SDK1: variants seen among roughly 807,000 people sequenced by gnomAD.
SDK1 encodes the protein sidekick cell adhesion molecule 1, also known as protein sidekick-1.
In SDK1, 157 loss-of-function variants were observed where a neutral mutation model predicts 245.5. The ratio of observed to expected loss-of-function variants is 0.64; its 90% CI spans 0.56 to 0.73. SDK1 has a LOEUF of 0.73. SDK1 is among the 30% of genes least tolerant of loss of function. The pLI is 0.00. For missense variants in SDK1, 3,583 were observed against 3,002.3 expected, an observed-to-expected ratio of 1.19 and a Z score of -4.52; for synonymous variants, 1,647 against 1,278.5, an observed-to-expected ratio of 1.29 and a Z score of -6.15.
At chr7:3,736,104 A>G (rs1442943144) in intron 4 of SDK1, among the ~76,000 whole-genome samples, 4 of 152,168 alleles carry the variant, frequency 2.6e-5, no homozygotes, top group Admixed American at 6.5e-5. Context: ...TATAAAATAT[A>G]TAATTTGCCA....
At chr7:3,357,865 G>C (rs1033428032) in intron 1 of SDK1, among the ~76,000 whole-genome samples, 1 of 152,044 alleles carries the variant, frequency 6.6e-6, no homozygotes, top group African/African-American at 2.4e-5. Flanking sequence ...CCCTTTGCAG[G>C]CTCTTAGTTA....
chr7:3,642,222 C>A, intron 4 of SDK1, 117 bp downstream of exon 4: 1 of 854,274 alleles, frequency 1.2e-6, no homozygotes, highest in Non-Finnish European at 1.8e-6. Context: ...GCAAACTAGT[C>A]TAGGAGTCCT....
chr7:3,320,665 A>G (rs75943151), intron 1 of SDK1, among the ~76,000 whole-genome samples: 6,043 of 152,262 alleles, frequency 0.04, 186 homozygotes, highest in Non-Finnish European at 0.06. Flanking sequence ...CTGTTTTAAT[A>G]TTAATCATGG....
intron 32 of SDK1, among the ~76,000 whole-genome samples, chr7:4,164,022 C>G (rs1477342128): frequency 2.0e-5 from 3 of 152,316 alleles, no homozygotes; most frequent in Admixed American, 6.5e-5. Flanking sequence ...TCTCGGCTGC[C>G]TTTCTCTTGC....
chr7:3,497,194 G>T (rs1583952185), intron 1 of SDK1, among the ~76,000 whole-genome samples: 1 of 152,150 alleles, frequency 6.6e-6, no homozygotes, highest in African/African-American at 2.4e-5. Context: ...CAACAAGGCT[G>T]TTACCACTCA....
Position 3,951,731 on chromosome 7 carries a change from C to A in SDK1, c.961C>A (p.Pro321Thr), listed in dbSNP as rs745489296. 80 of 1,612,512 alleles carry A rather than the reference C, an allele frequency of 5.0e-5. No homozygotes were observed. The highest frequency in any genetic ancestry group is 6.6e-5 in the Non-Finnish European group (78 of 1,179,804). Reference protein sequence around the residue: ...TTLECIASARPVEDLSVTWKR... With the variant: ...TTLECIASARTVEDLSVTWKR... Reference sequence around the variant, plus strand: ...CATGAATGCCTTTCATTCCCACAGGCCTGTGGAGGACCTGAGTGTGACCTG... The same window carrying A: ...CATGAATGCCTTTCATTCCCACAGGACTGTGGAGGACCTGAGTGTGACCTG... The change falls in exon 7 of 45, where the codon CCT becomes ACT. Residue 321 changes from proline to threonine, a missense_variant and splice_region_variant. Coordinates refer to ENST00000404826, the MANE Select transcript of SDK1 (RefSeq NM_152744.4).
rs199625934 is a variant in SDK1 at position 4,079,515 on chromosome 7, C to T, written c.3255C>T (p.Ser1085=). ...TCATTTCCAACATCAGCCCTCGCTC[C>T]GCCACCCTTCAGTTCCGGCCAGGCT... The part of the protein sequence containing the change: ...NLVISNISPR[S]ATLQFRPGYD... The change falls in exon 22 of 45, where the codon TCC becomes TCT. Residue 1085 remains serine (S), a synonymous_variant. Transcript: ENST00000404826. 296 of 1,614,116 alleles carry T rather than the reference C, an allele frequency of 1.8e-4. No homozygotes were observed. The highest frequency in any genetic ancestry group is 3.0e-4 in the South Asian group (27 of 91,086).
intron 4 of SDK1, among the ~76,000 whole-genome samples, chr7:3,656,019 G>T (rs1175083933): frequency 6.6e-6 from 1 of 152,216 alleles, no homozygotes; most frequent in African/African-American, 2.4e-5. Flanking sequence ...GGTGTGGTGG[G>T]ATTGTGACCC....
intron 32 of SDK1, among the ~76,000 whole-genome samples, chr7:4,162,393 A>G (rs1251850840): frequency 9.3e-6 from 1 of 107,658 alleles, no homozygotes; most frequent in Non-Finnish European, 2.4e-5. Flanking sequence ...TATTATTATT[A>G]TTATTATTAT....
chr7:4,010,458 T>A (rs1039223843), intron 14 of SDK1, among the ~76,000 whole-genome samples: 1 of 152,108 alleles, frequency 6.6e-6, no homozygotes, highest in African/African-American at 2.4e-5. Context: ...CACTCAAGGG[T>A]GTGGTGGTGT....
chr7:3,380,684 C>G (rs1015687118), intron 1 of SDK1, among the ~76,000 whole-genome samples: 2 of 152,166 alleles, frequency 1.3e-5, no homozygotes, highest in Admixed American at 6.5e-5. Flanking sequence ...AGGAGACTGA[C>G]TCTTTCTGTC....
chr7:4,246,600 C>G (rs1482595107), intron 44 of SDK1, among the ~76,000 whole-genome samples: 2 of 152,160 alleles, frequency 1.3e-5, no homozygotes, highest in Admixed American at 1.3e-4. Context: ...GCCTCCCACC[C>G]TGCCCAGGAA....
chr7:3,622,964 C>T (rs977838093), intron 2 of SDK1, among the ~76,000 whole-genome samples: 1 of 151,944 alleles, frequency 6.6e-6, no homozygotes, highest in Non-Finnish European at 1.5e-5. Context: ...ATTACTCTTT[C>T]ATCTACTTCC....
intron 32 of SDK1, among the ~76,000 whole-genome samples, chr7:4,173,009 T>C (rs1040338746): frequency 6.6e-5 from 10 of 152,234 alleles, no homozygotes; most frequent in Non-Finnish European, 1.2e-4. Flanking sequence ...AGCGTGTCTT[T>C]TAGGGGGACA....
chr7:4,155,272 C>T (rs916457508), intron 30 of SDK1, among the ~76,000 whole-genome samples: 3 of 151,882 alleles, frequency 2.0e-5, no homozygotes, highest in African/African-American at 7.3e-5. Flanking sequence ...CTCACAGAGA[C>T]ACTTAATCAA....
intron 5 of SDK1, among the ~76,000 whole-genome samples, chr7:3,919,885 C>G (rs1779527032): frequency 6.6e-6 from 1 of 152,110 alleles, no homozygotes; most frequent in Admixed American, 6.5e-5. Flanking sequence ...GAGGAAGAGA[C>G]CAGCAAAACA....
At chr7:3,329,769 A>T (rs2128550440) in intron 1 of SDK1, among the ~76,000 whole-genome samples, 1 of 152,272 alleles carries the variant, frequency 6.6e-6, no homozygotes, top group Admixed American at 6.5e-5. Flanking sequence ...TACTTAAAAA[A>T]CTGCATCTGT....
At chr7:4,067,358 T>A (rs58559430) in intron 19 of SDK1, among the ~76,000 whole-genome samples, 2 of 152,136 alleles carry the variant, frequency 1.3e-5, no homozygotes, top group African/African-American at 4.8e-5. Flanking sequence ...AGGATACCGA[T>A]TGGGTTTGGA....
At chr7:3,303,750 A>G (rs10233166) in intron 1 of SDK1, among the ~76,000 whole-genome samples, 57,732 of 152,030 alleles carry the variant, frequency 0.38, 12,285 homozygotes, top group South Asian at 0.5. Context: ...TAATATATCC[A>G]TCTTTTTTTA....
Sources: allele counts gnomAD v4.1 joint callset (sites outside exome capture counted in the v4.1 genomes callset), GRCh38; gene constraint gnomAD v4.1.1; transcripts MANE v1.5; gene names NCBI Gene and HGNC (gene_info 2026-07-23, HGNC 2026-07-21).